SP140L: variants seen among roughly 807,000 people sequenced by gnomAD.
The protein encoded by SP140L is SP140 like nuclear body protein, also known as nuclear body protein SP140-like protein.
In SP140L, 64 loss-of-function variants were observed where a neutral mutation model predicts 84.3. The observed-to-expected ratio is 0.76, with a 90% CI of 0.62 to 0.94. The LOEUF (loss-of-function observed/expected upper bound fraction) is 0.94, where lower values mean the gene tolerates loss of function less well. Among genes scored for constraint, SP140L ranks in the 40% least tolerant of loss-of-function variants. The pLI is 0.00. For synonymous variants in SP140L, 242 were observed against 236.9 expected (o/e 1.02, Z -0.20); for missense variants, 628 against 692.5 (o/e 0.91, Z 1.05).
rs996057843 is a variant in SP140L at position 230,331,584 on chromosome 2, C to T, written c.107+2753C>T. ...AGAGACACTAAATGAATAGATAAAT[C>T]TAACAAGAATTTACATTTTTAAAAA... is the stretch of plus-strand genomic sequence containing the variant. On this transcript the variant is annotated intron_variant, in intron 2 of 18. Coordinates refer to ENST00000415673, the MANE Select transcript of SP140L (RefSeq NM_138402.6). Among the ~76,000 whole-genome samples, 5 of 152,152 alleles carry T rather than the reference C, an allele frequency of 3.3e-5. No individual in the cohort carries two copies. In the East Asian group the frequency reaches 9.6e-4, roughly 29 times the overall value.
chr2:230,381,449 C>T (rs1440453951), intron 7 of SP140L, among the ~76,000 whole-genome samples: 3 of 152,186 alleles, frequency 2.0e-5, no homozygotes, highest in Non-Finnish European at 2.9e-5. Flanking sequence ...TCAACAAATT[C>T]TTCCCACATT....
chr2:230,354,861 G>GAAAGAA (rs1553617559), intron 2 of SP140L, among the ~76,000 whole-genome samples: 1 of 95,918 alleles, frequency 1.0e-5, no homozygotes, highest in Admixed American at 1.3e-4. Context: ...AAGAAAGAAA[G>GAAAGAA]AAAGAAAGAA....
intron 7 of SP140L, among the ~76,000 whole-genome samples, chr2:230,378,101 G>A (rs7606902): frequency 1.8e-4 from 27 of 152,058 alleles, no homozygotes; most frequent in Non-Finnish European, 3.4e-4. Context: ...TTACTTTGAC[G>A]TCCTTGTTGA....
intron 2 of SP140L, among the ~76,000 whole-genome samples, chr2:230,354,964 G>C (rs926434017): frequency 3.3e-5 from 5 of 151,788 alleles, no homozygotes; most frequent in Non-Finnish European, 5.9e-5. Context: ...GAAAGAAAGG[G>C]AAAGAGGTAA....
chr2:230,344,797 C>G lies in SP140L; in HGVS notation c.108-13008C>G, dbSNP rs531357648. Among the ~76,000 whole-genome samples, 3 of 152,236 alleles carry G rather than the reference C, an allele frequency of 2.0e-5. No individual in the cohort carries two copies. The South Asian group carries it at 6.2e-4, about 32-fold the overall frequency. On this transcript the variant is annotated intron_variant, in intron 2 of 18. Coordinates refer to ENST00000415673, the MANE Select transcript of SP140L (RefSeq NM_138402.6). ...TTCAAGAATGTATTGTTTAACTTCC[C>G]TACATTATTTATGTATACCTTACAG... is the stretch of plus-strand genomic sequence containing the variant.
chr2:230,355,267 A>ACATG (rs1411820040), intron 2 of SP140L, among the ~76,000 whole-genome samples: 6 of 152,210 alleles, frequency 3.9e-5, no homozygotes, highest in African/African-American at 1.4e-4. Flanking sequence ...TGCCATAAAT[A>ACATG]CATGGTTAAT....
At chr2:230,354,301 C>T (rs1004961700) in intron 2 of SP140L, among the ~76,000 whole-genome samples, 2 of 152,132 alleles carry the variant, frequency 1.3e-5, no homozygotes, top group African/African-American at 4.8e-5. Context: ...ATGAATATCT[C>T]ATTAATGCAT....
chr2:230,354,327 A>G (rs2060452773), intron 2 of SP140L, among the ~76,000 whole-genome samples: 1 of 152,252 alleles, frequency 6.6e-6, no homozygotes, highest in Non-Finnish European at 1.5e-5. Context: ...AAAATTTAAC[A>G]TCTGTTCATG....
At chr2:230,370,013 T>C (rs1575493317) in intron 5 of SP140L, among the ~76,000 whole-genome samples, 1 of 147,772 alleles carries the variant, frequency 6.8e-6, no homozygotes, top group African/African-American at 2.7e-5. Flanking sequence ...ACTTAGTGAT[T>C]TGCCCACCTC....
chr2:230,343,582 C>T (rs2060125873), intron 2 of SP140L, among the ~76,000 whole-genome samples: 2 of 119,598 alleles, frequency 1.7e-5, no homozygotes, highest in African/African-American at 6.1e-5. Context: ...GATTTATATT[C>T]CTTTGGGTAT....
At chr2:230,362,502 T>A (rs1375803898) in intron 5 of SP140L, among the ~76,000 whole-genome samples, 1 of 151,728 alleles carries the variant, frequency 6.6e-6, no homozygotes, top group Non-Finnish European at 1.5e-5. Flanking sequence ...GGTGCAGATG[T>A]GGAGAGGATG....
At chr2:230,386,701 A>G (rs1418652293) in intron 9 of SP140L, among the ~76,000 whole-genome samples, 1 of 152,180 alleles carries the variant, frequency 6.6e-6, no homozygotes, top group East Asian at 1.9e-4. Flanking sequence ...ACTAGAGTAG[A>G]CTTCATGTTG....
chr2:230,401,971 A>C (rs1479143913), intron 18 of SP140L, among the ~76,000 whole-genome samples, 164 bp downstream of exon 18: 1 of 152,194 alleles, frequency 6.6e-6, no homozygotes, highest in African/African-American at 2.4e-5. Flanking sequence ...CTTCTTAGCA[A>C]AGAAACATTG....
intron 5 of SP140L, among the ~76,000 whole-genome samples, chr2:230,364,692 G>A (rs939363602): frequency 5.3e-5 from 8 of 152,034 alleles, no homozygotes; most frequent in African/African-American, 9.7e-5. Flanking sequence ...TAGAAGTGAC[G>A]AGAATGGACA....
chr2:230,331,356 G>A (rs1477677246), intron 2 of SP140L, among the ~76,000 whole-genome samples: 1 of 152,146 alleles, frequency 6.6e-6, no homozygotes, highest in Non-Finnish European at 1.5e-5. Flanking sequence ...GCAGTTTCAG[G>A]CATCCGCTGG....
At chr2:230,381,541 T>G (rs1160951922) in intron 7 of SP140L, among the ~76,000 whole-genome samples, 1 of 152,212 alleles carries the variant, frequency 6.6e-6, no homozygotes, top group Non-Finnish European at 1.5e-5. Flanking sequence ...CAGATATATT[T>G]GATTTGTTAA....
chr2:230,361,802 C>T, intron 5 of SP140L, 105 bp downstream of exon 5: 1 of 831,616 alleles, frequency 1.2e-6, no homozygotes, highest in Admixed American at 2.4e-5. Context: ...ACAGGGAAGA[C>T]ACAGGGAAGG....
At chr2:230,349,724 C>G (rs1260416176) in intron 2 of SP140L, among the ~76,000 whole-genome samples, 1 of 152,072 alleles carries the variant, frequency 6.6e-6, no homozygotes, top group African/African-American at 2.4e-5. Context: ...TATACTTACT[C>G]TAGGCTGGGC....
chr2:230,365,168 T>C (rs1349139130), intron 5 of SP140L, among the ~76,000 whole-genome samples: 2 of 152,146 alleles, frequency 1.3e-5, no homozygotes, highest in African/African-American at 4.8e-5. Context: ...GTTGGCTTCA[T>C]AGACTAAGCC....
Sources: allele counts gnomAD v4.1 joint callset (sites outside exome capture counted in the v4.1 genomes callset), GRCh38; gene constraint gnomAD v4.1.1; transcripts MANE v1.5; gene names NCBI Gene and HGNC (gene_info 2026-07-23, HGNC 2026-07-21).